CDH4: variants seen among roughly 807,000 people sequenced by gnomAD.
CDH4 encodes the protein cadherin 4.
Under a neutral mutation model 86.0 loss-of-function variants are expected in CDH4, and 33 were observed. The ratio of observed to expected loss-of-function variants is 0.38; its 90% confidence interval spans 0.29 to 0.51. The LOEUF (loss-of-function observed/expected upper bound fraction) is 0.51. Ranked by LOEUF, CDH4 falls within the 20% of genes least tolerant of loss-of-function variation. The pLI is 0.86. For synonymous variants in CDH4, 555 were observed against 549.4 expected (o/e 1.01, Z -0.14); for missense variants, 1,114 against 1,307.4 (o/e 0.85, Z 2.28).
At chr20:61,468,801 C>T (rs535144906) in intron 2 of CDH4, among the ~76,000 whole-genome samples, 7 of 152,250 alleles carry the variant, frequency 4.6e-5, no homozygotes, top group African/African-American at 7.2e-5. Flanking sequence ...TAAGTGAGAA[C>T]ATGCAATATT....
rs1386252019 is a variant in CDH4 at position 61,474,009 on chromosome 20, G to A, written c.169+219072G>A. 2.0e-5 allele frequency among the ~76,000 whole-genome samples: 3 copies of A among 152,230 alleles called. No individual in the cohort carries two copies. The South Asian group carries it at 6.2e-4, about 32-fold the overall frequency. ...TTGATTCTACTGTAAGGAAAACACCGTGGGATTGTAGATGACTCTGGCTTA... is the reference window on the plus strand; with the variant it reads ...TTGATTCTACTGTAAGGAAAACACCATGGGATTGTAGATGACTCTGGCTTA... On this transcript the variant is annotated intron_variant, in intron 2 of 15. Transcript: ENST00000614565.
chr20:61,424,073 A>G (rs1037641247), intron 2 of CDH4, among the ~76,000 whole-genome samples: 4 of 152,092 alleles, frequency 2.6e-5, no homozygotes, highest in Admixed American at 2.0e-4. Flanking sequence ...ACATCCACAC[A>G]CAGCACACAC....
chr20:61,500,942 A>G (rs2085696416), intron 2 of CDH4, among the ~76,000 whole-genome samples: 1 of 152,198 alleles, frequency 6.6e-6, no homozygotes, highest in African/African-American at 2.4e-5. Flanking sequence ...ATTCCTGAGC[A>G]CTCAGCTCTC....
At chr20:61,489,849 G>A (rs938998797) in intron 2 of CDH4, among the ~76,000 whole-genome samples, 1 of 152,200 alleles carries the variant, frequency 6.6e-6, no homozygotes, top group Non-Finnish European at 1.5e-5. Flanking sequence ...CCTACCAGGG[G>A]CCTCCAAAAG....
At position 61,904,041 on chromosome 20, in the gene CDH4, C is replaced by T. The variant is rs558902539; in HGVS notation, c.1189-6381C>T. The stretch of plus-strand genomic sequence containing the variant: ...TGGTGCTTTGGAGGCATCTGAGTGG[C>T]CGCCCCTGGGACTTCCCCCAAGCCG... On this transcript the variant is annotated intron_variant, in intron 8 of 15. Coordinates refer to ENST00000614565, the MANE Select transcript of CDH4 (RefSeq NM_001794.5). Among the ~76,000 whole-genome samples, 3 of 152,326 alleles carry T rather than the reference C, an allele frequency of 2.0e-5. No homozygotes were observed. The East Asian group carries it at 5.8e-4, about 29-fold the overall frequency.
intron 2 of CDH4, among the ~76,000 whole-genome samples, chr20:61,673,471 A>C (rs956973374): frequency 2.0e-5 from 3 of 152,254 alleles, no homozygotes. Context: ...TTCTGCTCCT[A>C]GCAAGCAAGG....
At chr20:61,673,510 C>T (rs2087412768) in intron 2 of CDH4, among the ~76,000 whole-genome samples, 1 of 152,228 alleles carries the variant, frequency 6.6e-6, no homozygotes, top group Non-Finnish European at 1.5e-5. Flanking sequence ...GCGGTTTTCA[C>T]CTTAGATGAA....
intron 2 of CDH4, among the ~76,000 whole-genome samples, chr20:61,666,489 C>T (rs75096303): frequency 0.011 from 1,677 of 152,322 alleles, 33 homozygotes; most frequent in African/African-American, 0.038. Flanking sequence ...GCCATGGGCT[C>T]AGGCGGACAG....
chr20:61,457,921 T>G (rs192488646), intron 2 of CDH4, among the ~76,000 whole-genome samples: 3,672 of 143,950 alleles, frequency 0.026, 186 homozygotes, highest in African/African-American at 0.091. Context: ...ATGACGGTGA[T>G]GGCAGTGCTG....
At chr20:61,438,885 A>G (rs182870088) in intron 2 of CDH4, among the ~76,000 whole-genome samples, 21 of 152,002 alleles carry the variant, frequency 1.4e-4, no homozygotes, top group Admixed American at 8.5e-4. Context: ...TTCATTTTCA[A>G]TGCCCCCAGA....
intron 8 of CDH4, among the ~76,000 whole-genome samples, chr20:61,898,894 G>A (rs1422119483): frequency 6.6e-6 from 1 of 152,228 alleles, no homozygotes; most frequent in East Asian, 1.9e-4. Flanking sequence ...AGCAGACAAG[G>A]TTCCAGCTTT....
At chr20:61,809,966 T>C (rs1441024045) in intron 4 of CDH4, among the ~76,000 whole-genome samples, 1 of 152,162 alleles carries the variant, frequency 6.6e-6, no homozygotes, top group Non-Finnish European at 1.5e-5. Context: ...GAAGATGGTC[T>C]GGCTGCCCTG....
At chr20:61,566,612 G>C (rs2086299935) in intron 2 of CDH4, among the ~76,000 whole-genome samples, 1 of 152,138 alleles carries the variant, frequency 6.6e-6, no homozygotes, top group Non-Finnish European at 1.5e-5. Context: ...GACGGGACAA[G>C]GTGGCCCCGA....
At chr20:61,540,274 G>T (rs2086030311) in intron 2 of CDH4, among the ~76,000 whole-genome samples, 1 of 151,544 alleles carries the variant, frequency 6.6e-6, no homozygotes, top group Admixed American at 6.6e-5. Context: ...TTTATTGAAA[G>T]AAAAAAAAAT....
intron 2 of CDH4, among the ~76,000 whole-genome samples, chr20:61,469,949 T>C (rs2085493207): frequency 6.6e-6 from 1 of 152,216 alleles, no homozygotes. Context: ...ACCATGCTAA[T>C]TTGGTTACTA....
intron 2 of CDH4, among the ~76,000 whole-genome samples, chr20:61,444,481 C>A (rs1429192627): frequency 7.9e-6 from 1 of 126,502 alleles, no homozygotes; most frequent in African/African-American, 3.0e-5. Flanking sequence ...ATGAGTGTTT[C>A]TCTGTGTGTG....
Position 61,565,336 on chromosome 20 carries a change from GGT to G in CDH4, c.170-178226_170-178225del, listed in dbSNP as rs1568689095. Among the ~76,000 whole-genome samples, 73 of 72,296 alleles carry G rather than the reference GGT, an allele frequency of 1.0e-3. 18 individuals are homozygous for G. Among genetic ancestry groups the G allele is most frequent in the Non-Finnish European group, 1.8e-3 (58 of 31,806 alleles). 47.4% of individuals were successfully genotyped at this position (72,296 alleles called of 152,430 possible). On this transcript the variant is annotated intron_variant, in intron 2 of 15. Transcript: ENST00000614565. ...TGGTGGCGGTGCTCTTGGTGATGGTGGTAGTGGTCCTCTTGGTGATGGGGTGA... is the reference window on the plus strand; with the variant it reads ...TGGTGGCGGTGCTCTTGGTGATGGTGAGTGGTCCTCTTGGTGATGGGGTGA...
intron 2 of CDH4, among the ~76,000 whole-genome samples, chr20:61,288,973 G>GAA (rs11086732): frequency 5.9e-5 from 9 of 151,836 alleles, no homozygotes; most frequent in South Asian, 2.1e-4. Context: ...ATTAGGGAAG[G>GAA]AAAAAAAATG....
intron 2 of CDH4, among the ~76,000 whole-genome samples, chr20:61,464,677 C>T (rs562850236): frequency 4.1e-4 from 62 of 152,274 alleles, no homozygotes; most frequent in African/African-American, 1.4e-3. Flanking sequence ...CTCTGGGATC[C>T]GGTCCTATTA....
Sources: allele counts gnomAD v4.1 joint callset (sites outside exome capture counted in the v4.1 genomes callset), GRCh38; gene constraint gnomAD v4.1.1; transcripts MANE v1.5; gene names NCBI Gene and HGNC (gene_info 2026-07-23, HGNC 2026-07-21).